The following RUNX2 variants were observed in gnomAD, a reference collection of about 807,000 sequenced individuals.
RUNX2 encodes the protein runt-related transcription factor 2.
RUNX2 carries 10 observed loss-of-function variants against 51.7 expected under a neutral mutation model. The observed-to-expected ratio is 0.19, with a 90% CI of 0.12 to 0.33. RUNX2 has a LOEUF of 0.33. Among genes scored for constraint, RUNX2 ranks in the 10% least tolerant of loss-of-function variants. The pLI, the probability that RUNX2 is intolerant of heterozygous loss-of-function variation, is 1.00. For missense variants in RUNX2, 562 were observed against 691.3 expected (o/e 0.81, Z 2.10); for synonymous variants, 276 against 273.6 (o/e 1.01, Z -0.09).
At chr6:45,420,247 G>A (rs756519359) in intron 2 of RUNX2, among the ~76,000 whole-genome samples, 2 of 152,064 alleles carry the variant, frequency 1.3e-5, no homozygotes, top group Non-Finnish European at 2.9e-5. Flanking sequence ...TCTTGTACTC[G>A]AAAGGGCTCC....
chr6:45,433,430 T>G (rs921118234), intron 4 of RUNX2, among the ~76,000 whole-genome samples: 1 of 152,150 alleles, frequency 6.6e-6, no homozygotes, highest in Admixed American at 6.6e-5. Context: ...TCAAGAAAAA[T>G]GTGAACATGA....
At chr6:45,356,093 C>T (rs1231503716) in intron 2 of RUNX2, among the ~76,000 whole-genome samples, 1 of 152,130 alleles carries the variant, frequency 6.6e-6, no homozygotes, top group Non-Finnish European at 1.5e-5. Flanking sequence ...ATTCTCACTC[C>T]TCTTCTCTAG....
intron 2 of RUNX2, among the ~76,000 whole-genome samples, chr6:45,392,193 T>C (rs189691501): frequency 6.6e-6 from 1 of 152,260 alleles, no homozygotes; most frequent in African/African-American, 2.4e-5. Flanking sequence ...AATAGAACAT[T>C]TTATTTTTTA....
At chr6:45,504,809 C>G (rs1281851757) in intron 6 of RUNX2, among the ~76,000 whole-genome samples, 1 of 152,150 alleles carries the variant, frequency 6.6e-6, no homozygotes, top group Non-Finnish European at 1.5e-5. Flanking sequence ...AGCCAGTAGA[C>G]TCTGTATATC....
At chr6:45,399,575 G>A (rs7766736) in intron 2 of RUNX2, among the ~76,000 whole-genome samples, 4,983 of 151,808 alleles carry the variant, frequency 0.033, 284 homozygotes, top group African/African-American at 0.11. Context: ...GGTCAGGGTA[G>A]TCTTGAACTC....
At chr6:45,532,162 A>ATTTTTTTTTTTTT (rs3055521) in intron 7 of RUNX2, among the ~76,000 whole-genome samples, 4 of 85,120 alleles carry the variant, frequency 4.7e-5, no homozygotes, top group Non-Finnish European at 8.8e-5. Flanking sequence ...GAAAACCTAG[A>ATTTTTTTTTTTTT]TTTTTTTTTT....
intron 7 of RUNX2, among the ~76,000 whole-genome samples, chr6:45,538,647 C>T (rs1802113464): frequency 6.6e-6 from 1 of 152,002 alleles, no homozygotes; most frequent in African/African-American, 2.4e-5. Context: ...GTGGATTTGT[C>T]CCTTTTTTCC....
intron 5 of RUNX2, among the ~76,000 whole-genome samples, chr6:45,441,084 C>A (rs901062183): frequency 1.3e-5 from 2 of 152,084 alleles, no homozygotes; most frequent in East Asian, 1.9e-4. Context: ...GGGAGTGGAA[C>A]AATTTATATG....
chr6:45,547,945 TG>T lies in RUNX2; in HGVS notation c.*641del, dbSNP rs1802456065. 1 of 152,538 alleles carries T rather than the reference TG, an allele frequency of 6.6e-6. No individual in the cohort carries two copies. The highest frequency in any genetic ancestry group is 2.4e-5 in the African/African-American group (1 of 40,854). The allele number at this position is 152,538 out of a possible 1,614,324, so 9.4% of individuals were successfully genotyped here. On this transcript the variant is annotated 3_prime_UTR_variant, in exon 9 of 9. Coordinates refer to ENST00000647337, the MANE Select transcript of RUNX2 (RefSeq NM_001024630.4). ...CCAAGAAAGTGACTTCAAAAATAAC[TG>T]ATCAGGATAGATTATTTTATTTTAC...
At chr6:45,437,769 A>G (rs182817620) in intron 4 of RUNX2, among the ~76,000 whole-genome samples, 178 bp from the exon 5 acceptor site, 346 of 152,308 alleles carry the variant, frequency 2.3e-3, no homozygotes, top group Non-Finnish European at 4.3e-3. Context: ...CAAATTTGGA[A>G]ATGTCCTAAA....
chr6:45,489,589 A>G (rs996396768), intron 5 of RUNX2, among the ~76,000 whole-genome samples: 1 of 152,218 alleles, frequency 6.6e-6, no homozygotes, highest in East Asian at 1.9e-4. Flanking sequence ...GGAACCTGCC[A>G]TTCCAAAAAT....
At position 45,547,292 on chromosome 6, in the gene RUNX2, G is replaced by T; in HGVS notation, c.1553G>T (p.Trp518Leu). 1 of 1,614,050 alleles carries T rather than the reference G, an allele frequency of 6.2e-7. No homozygotes were observed. The highest frequency in any genetic ancestry group is 8.5e-7 in the Non-Finnish European group (1 of 1,179,966). The part of the protein sequence containing the change: ...NSSGRMDESV[W>L]RPY ...AGTGGCAGAATGGATGAATCTGTTT[G>T]GCGACCATATTGAAATTCCTCAGCA... The change falls in exon 9 of 9, where the codon TGG (tryptophan) becomes TTG (leucine). Residue 518 changes from tryptophan (W) to leucine (L), a missense_variant. Physicochemically the swap from Trp to Leu is moderately conservative, Grantham distance 61. Around this residue, in one of 5 missense-constraint regions of RUNX2, gnomAD observed 304 missense variants for 353.2 expected, o/e 0.86. Transcript: ENST00000647337.
At chr6:45,407,582 T>G (rs1460387759) in intron 2 of RUNX2, among the ~76,000 whole-genome samples, 2 of 152,078 alleles carry the variant, frequency 1.3e-5, no homozygotes, top group Admixed American at 6.6e-5. Context: ...ACCTCTTAAG[T>G]CCTGGCCTCA....
chr6:45,355,501 T>C (rs1478583792), intron 2 of RUNX2, among the ~76,000 whole-genome samples: 2 of 152,040 alleles, frequency 1.3e-5, no homozygotes, highest in African/African-American at 4.8e-5. Context: ...AATCCACCAA[T>C]ACAGAAAGAA....
intron 2 of RUNX2, among the ~76,000 whole-genome samples, chr6:45,417,698 T>G (rs1798094170): frequency 6.6e-6 from 1 of 152,212 alleles, no homozygotes. Flanking sequence ...GTGTCACAAC[T>G]ACCCAATTCT....
In RUNX2 at chr6:45,548,994, C is replaced by T; in HGVS notation, c.*1689C>T. On this transcript the variant is annotated 3_prime_UTR_variant, in exon 9 of 9. Transcript: ENST00000647337. The stretch of plus-strand genomic sequence containing the variant: ...ATGGCCCACGGGGACCTACAGACAG[C>T]CTTTGACATTTGTATTTCTTACAAT... 2 of 397,724 alleles carry T rather than the reference C, an allele frequency of 5.0e-6. No homozygotes were observed. Among genetic ancestry groups the T allele is most frequent in the Non-Finnish European group, 8.9e-6 (2 of 225,840 alleles). 24.6% of individuals were successfully genotyped at this position (397,724 alleles called of 1,614,324 possible).
chr6:45,478,711 T>C (rs185966654), intron 5 of RUNX2, among the ~76,000 whole-genome samples: 1 of 152,224 alleles, frequency 6.6e-6, no homozygotes, highest in Admixed American at 6.5e-5. Flanking sequence ...GCTTTATTGA[T>C]TCTTAGGATT....
chr6:45,471,205 A>T (rs1041820062), intron 5 of RUNX2, among the ~76,000 whole-genome samples: 4 of 152,164 alleles, frequency 2.6e-5, no homozygotes, highest in African/African-American at 9.7e-5. Context: ...ATTTCCACTC[A>T]TTGATGTCAC....
intron 2 of RUNX2, among the ~76,000 whole-genome samples, chr6:45,371,115 A>C (rs186622972): frequency 7.3e-4 from 111 of 152,306 alleles, no homozygotes; most frequent in African/African-American, 2.6e-3. Flanking sequence ...GGCAGCAATT[A>C]TACTCCTAAC....
Sources: allele counts gnomAD v4.1 joint callset (sites outside exome capture counted in the v4.1 genomes callset), GRCh38; gene constraint gnomAD v4.1.1; regional missense constraint gnomAD v4.1.1; transcripts MANE v1.5; gene names NCBI Gene and HGNC (gene_info 2026-07-23, HGNC 2026-07-21).